Variants in SHISA6 observed in about 807,000 individuals in gnomAD.
SHISA6 encodes the protein protein shisa-6.
A neutral mutation model predicts 47.9 loss-of-function variants in SHISA6; 22 were observed. That is an observed-to-expected ratio of 0.46 (90% CI 0.33 to 0.66). The LOEUF (loss-of-function observed/expected upper bound fraction) is 0.66. SHISA6 is among the 30% of genes least tolerant of loss of function. The pLI, the probability that SHISA6 is intolerant of heterozygous loss-of-function variation, is 0.02. For missense variants in SHISA6, 680 were observed against 764.6 expected (o/e 0.89, Z 1.30); for synonymous variants, 388 against 337.8 (o/e 1.15, Z -1.63).
At chr17:11,442,741 C>T (rs1915125152) in intron 3 of SHISA6, among the ~76,000 whole-genome samples, 1 of 152,074 alleles carries the variant, frequency 6.6e-6, no homozygotes, top group South Asian at 2.1e-4. Flanking sequence ...GCTCTCACTA[C>T]CTGTGGGAGT....
chr17:11,545,021 C>T (rs888754108), intron 3 of SHISA6, among the ~76,000 whole-genome samples: 8 of 151,130 alleles, frequency 5.3e-5, no homozygotes, highest in African/African-American at 1.9e-4. Context: ...TAATTGCATT[C>T]CTAGGTATTT....
At chr17:11,299,772 A>G (rs1481235306) in intron 2 of SHISA6, among the ~76,000 whole-genome samples, 1 of 152,146 alleles carries the variant, frequency 6.6e-6, no homozygotes, top group Non-Finnish European at 1.5e-5. Context: ...GTGTGGGCCT[A>G]CCCACACAAT....
intron 3 of SHISA6, among the ~76,000 whole-genome samples, chr17:11,405,913 C>T (rs1913940736): frequency 6.6e-6 from 1 of 152,178 alleles, no homozygotes; most frequent in South Asian, 2.1e-4. Context: ...CAACCACAGG[C>T]CTGCTACCTT....
At chr17:11,346,282 T>G (rs1418706546) in intron 2 of SHISA6, among the ~76,000 whole-genome samples, 1 of 152,192 alleles carries the variant, frequency 6.6e-6, no homozygotes, top group African/African-American at 2.4e-5. Context: ...CATTACATTA[T>G]TTTCAGATGT....
rs528560803 is a variant in SHISA6, at chr17:11,327,230, C to G, written c.800-52184C>G. 2.6e-5 allele frequency among the ~76,000 whole-genome samples: 4 copies of G among 152,296 alleles called. No homozygotes were observed. In the South Asian group the frequency reaches 8.3e-4, roughly 32 times the overall value. ...GGATAAAAGGATTCTTCCTAGGTCGCATACCATGAATACACATTAATCTGG... is the reference window on the plus strand; with the variant it reads ...GGATAAAAGGATTCTTCCTAGGTCGGATACCATGAATACACATTAATCTGG... On this transcript the variant is annotated intron_variant, in intron 2 of 5. Transcript: ENST00000441885.
chr17:11,452,575 G>A (rs1915427019), intron 3 of SHISA6, among the ~76,000 whole-genome samples: 1 of 152,168 alleles, frequency 6.6e-6, no homozygotes, highest in African/African-American at 2.4e-5. Flanking sequence ...AACCTGAAAG[G>A]TTGGCACTGA....
intron 2 of SHISA6, among the ~76,000 whole-genome samples, chr17:11,376,053 A>G (rs1180367558): frequency 6.6e-6 from 1 of 152,084 alleles, no homozygotes; most frequent in Non-Finnish European, 1.5e-5. Flanking sequence ...GCTCTGCTGG[A>G]TATACATGGT....
chr17:11,424,878 G>A (rs1262005204), intron 3 of SHISA6, among the ~76,000 whole-genome samples: 2 of 151,510 alleles, frequency 1.3e-5, no homozygotes, highest in Admixed American at 6.6e-5. Context: ...GCGTGGTGGC[G>A]GGTGCCTGTA....
At chr17:11,253,239 C>T (rs1907882509) in intron 1 of SHISA6, among the ~76,000 whole-genome samples, 1 of 152,144 alleles carries the variant, frequency 6.6e-6, no homozygotes, top group Admixed American at 6.5e-5. Flanking sequence ...ACTTGTCCTG[C>T]CACAACTTCA....
At chr17:11,245,452 G>C (rs951948139) in intron 1 of SHISA6, among the ~76,000 whole-genome samples, 3 of 152,216 alleles carry the variant, frequency 2.0e-5, no homozygotes, top group Non-Finnish European at 2.9e-5. Context: ...GCCGCCAAGG[G>C]CATGGGCTGC....
chr17:11,324,602 T>A (rs769497451), intron 2 of SHISA6, among the ~76,000 whole-genome samples: 2 of 152,046 alleles, frequency 1.3e-5, no homozygotes, highest in Admixed American at 6.6e-5. Flanking sequence ...GTGCTCCAGA[T>A]TGGGGGGTGG....
At chr17:11,471,196 G>A (rs1915927815) in intron 3 of SHISA6, among the ~76,000 whole-genome samples, 1 of 136,962 alleles carries the variant, frequency 7.3e-6, no homozygotes, top group Non-Finnish European at 1.5e-5. Context: ...TCGACAGAGT[G>A]AGACTCCATC....
At chr17:11,514,642 C>T (rs896043602) in intron 3 of SHISA6, among the ~76,000 whole-genome samples, 2 of 152,176 alleles carry the variant, frequency 1.3e-5, no homozygotes, top group African/African-American at 4.8e-5. Context: ...GCTTTGTGCT[C>T]AAGGGCAATG....
chr17:11,456,505 C>T (rs1915538302), intron 3 of SHISA6, among the ~76,000 whole-genome samples: 1 of 152,226 alleles, frequency 6.6e-6, no homozygotes, highest in African/African-American at 2.4e-5. Context: ...CTCTTCCCTC[C>T]TCTAGCTCCA....
At chr17:11,448,554 C>T (rs1428480967) in intron 3 of SHISA6, among the ~76,000 whole-genome samples, 5 of 151,848 alleles carry the variant, frequency 3.3e-5, no homozygotes, top group Admixed American at 1.3e-4. Flanking sequence ...ATAGGCTGGG[C>T]GTGGTGTCTC....
intron 2 of SHISA6, among the ~76,000 whole-genome samples, chr17:11,330,344 A>G (rs1911052498): frequency 6.6e-6 from 1 of 152,180 alleles, no homozygotes; most frequent in Admixed American, 6.5e-5. Flanking sequence ...TAGGGCTTCC[A>G]GGTAGATGAA....
intron 2 of SHISA6, among the ~76,000 whole-genome samples, chr17:11,377,212 T>A (rs1912832323): frequency 6.6e-6 from 1 of 152,134 alleles, no homozygotes; most frequent in South Asian, 2.1e-4. Flanking sequence ...TGCCCCAGCA[T>A]TTTTTCTTTT....
At chr17:11,391,499 G>GA (rs1913385714) in intron 3 of SHISA6, among the ~76,000 whole-genome samples, 1 of 152,154 alleles carries the variant, frequency 6.6e-6, no homozygotes, top group African/African-American at 2.4e-5. Context: ...GCAAAAAGCA[G>GA]ACCTCTGTGT....
intron 2 of SHISA6, among the ~76,000 whole-genome samples, chr17:11,338,562 C>A (rs956391646): frequency 6.6e-6 from 1 of 151,930 alleles, no homozygotes; most frequent in Non-Finnish European, 1.5e-5. Context: ...CCACCACACC[C>A]AGCTAATTTT....
Sources: gnomAD v4.1 joint callset for allele counts (sites outside exome capture counted in the v4.1 genomes callset) on GRCh38, gnomAD v4.1.1 for gene constraint, MANE v1.5 for transcripts, NCBI Gene and HGNC (gene_info 2026-07-23, HGNC 2026-07-21) for gene names.